The following PHLDB2 variants were observed in gnomAD, a reference collection of about 807,000 sequenced individuals.
The protein encoded by PHLDB2 is pleckstrin homology-like domain family B member 2.
In PHLDB2, 71 loss-of-function variants were observed where a neutral mutation model predicts 123.6. The ratio of observed to expected loss-of-function variants is 0.57; its 90% CI spans 0.47 to 0.70. The LOEUF (loss-of-function observed/expected upper bound fraction) is 0.70. Ranked by LOEUF, PHLDB2 falls within the 30% of genes least tolerant of loss-of-function variation. The pLI is 0.00. For synonymous variants in PHLDB2, 547 were observed against 541.6 expected (o/e 1.01, Z -0.14); for missense variants, 1,446 against 1,519.5 (o/e 0.95, Z 0.80).
chr3:111,760,614 T>A (rs2059976308), intron 1 of PHLDB2, among the ~76,000 whole-genome samples: 1 of 152,176 alleles, frequency 6.6e-6, no homozygotes, highest in Admixed American at 6.5e-5. Context: ...TTACTCTGGC[T>A]TCTGGGGAGT....
In PHLDB2 at chr3:111,974,961, C is replaced by T. The variant is rs1284236878; in HGVS notation, c.*398C>T. The T allele has an allele frequency of 6.5e-6, 1 of 153,584 alleles. No homozygotes were observed. The highest frequency in any genetic ancestry group is 1.4e-5 in the Non-Finnish European group (1 of 69,030). The allele number at this position is 153,584 out of a possible 1,614,324, so 9.5% of individuals were successfully genotyped here. A position where few individuals can be genotyped will look rare whatever the true frequency, so the allele number is the denominator to read the frequency against. On this transcript the variant is annotated 3_prime_UTR_variant, in exon 18 of 18. Transcript: ENST00000431670. Reference sequence around the variant, plus strand: ...CACTGGCATTGACATTATTGGTAATCAACTGGCTTTTTTTAAAAAAGGTAG... The same window carrying T: ...CACTGGCATTGACATTATTGGTAATTAACTGGCTTTTTTTAAAAAAGGTAG...
chr3:111,802,905 A>AGGGAGCAT (rs2061430808), intron 1 of PHLDB2, among the ~76,000 whole-genome samples: 1 of 152,204 alleles, frequency 6.6e-6, no homozygotes, highest in Non-Finnish European at 1.5e-5. Context: ...CAAATGATAG[A>AGGGAGCAT]TAATTAATCA....
intron 5 of PHLDB2, among the ~76,000 whole-genome samples, chr3:111,926,607 G>A (rs1422183749): frequency 6.8e-6 from 1 of 146,994 alleles, no homozygotes; most frequent in Non-Finnish European, 1.5e-5. Flanking sequence ...TTTTTTCTAT[G>A]CTAAACATTC....
chr3:111,863,146 C>T (rs1392347800), intron 1 of PHLDB2, among the ~76,000 whole-genome samples: 1 of 152,092 alleles, frequency 6.6e-6, no homozygotes, highest in Non-Finnish European at 1.5e-5. Flanking sequence ...TGCCCCAGTC[C>T]CAGAAAGGGG....
In PHLDB2 at chr3:111,814,350, C is replaced by G. The variant is rs1179630191; in HGVS notation, c.-48-31471C>G. Reference sequence around the variant, plus strand: ...TCCCAGCCTACATCTTTCTCCCATGCTGGTTGCTTGCTGCTCTTGAACATC... The same window carrying G: ...TCCCAGCCTACATCTTTCTCCCATGGTGGTTGCTTGCTGCTCTTGAACATC... On this transcript the variant is annotated intron_variant, in intron 1 of 17. Coordinates refer to the PHLDB2 transcript ENST00000393923. Among the ~76,000 whole-genome samples, 3 of 152,108 alleles carry G rather than the reference C, an allele frequency of 2.0e-5. No individual in the cohort carries two copies. The East Asian group carries it at 5.8e-4, about 29-fold the overall frequency.
rs532651560 is a variant in PHLDB2, at chr3:111,949,202, A to G, written c.2631+127A>G. On this transcript the variant is annotated intron_variant, in intron 10 of 17. Transcript: ENST00000431670. ...TGTATATCTGTTTGGCCAGAGGGGT[A>G]GGGTAAGGCTGAGTTTATAAAGTAT... 484 of 1,076,508 alleles carry G rather than the reference A, an allele frequency of 4.5e-4. 1 individual carries two copies. In the African/African-American group the frequency reaches 6.0e-3, roughly 13 times the overall value. The allele number at this position is 1,076,508 out of a possible 1,614,324, so 66.7% of individuals were successfully genotyped here.
At chr3:111,954,546 CA>C (rs1329019039) in intron 12 of PHLDB2, among the ~76,000 whole-genome samples, 1 of 152,132 alleles carries the variant, frequency 6.6e-6, no homozygotes, top group African/African-American at 2.4e-5. Context: ...TGACTCTCAG[CA>C]TTTTTTTTTG....
At chr3:111,956,473 T>C (rs1458974091) in intron 12 of PHLDB2, among the ~76,000 whole-genome samples, 6 of 152,222 alleles carry the variant, frequency 3.9e-5, no homozygotes, top group African/African-American at 1.4e-4. Context: ...AAATCTGTCT[T>C]TGATTTATCT....
chr3:111,961,777 A>G (rs1040414210), intron 12 of PHLDB2, among the ~76,000 whole-genome samples: 1 of 152,052 alleles, frequency 6.6e-6, no homozygotes, highest in Non-Finnish European at 1.5e-5. Flanking sequence ...GAACACAGCT[A>G]TTTCTAGAGG....
At chr3:111,914,911 T>C (rs1445120695) in intron 3 of PHLDB2, 1 of 151,774 alleles carries the variant, frequency 6.6e-6, no homozygotes, top group Admixed American at 6.6e-5. Context: ...CCCAAAATCT[T>C]TTGTTATTAC....
rs568769587 is a variant in PHLDB2, at chr3:111,749,300, G to A, written c.-49+16597G>A. 9.9e-5 allele frequency among the ~76,000 whole-genome samples: 15 copies of A among 152,048 alleles called. No individual in the cohort carries two copies. The South Asian group carries it at 2.5e-3, about 25-fold the overall frequency. Reference sequence around the variant, plus strand: ...TGCTTAACTCAAGAGTTAAATAGATGTCTCTGGTAAATTGGTACCAAAAAA... The same window carrying A: ...TGCTTAACTCAAGAGTTAAATAGATATCTCTGGTAAATTGGTACCAAAAAA... On this transcript the variant is annotated intron_variant, in intron 1 of 17. Coordinates refer to the PHLDB2 transcript ENST00000393923.
chr3:111,736,935 AC>A (rs2059517663), intron 1 of PHLDB2, among the ~76,000 whole-genome samples: 1 of 152,196 alleles, frequency 6.6e-6, no homozygotes, highest in African/African-American at 2.4e-5. Context: ...TGCCTAGAGA[AC>A]GGTATACATG....
chr3:111,743,504 C>A (rs1170749793), intron 1 of PHLDB2, among the ~76,000 whole-genome samples: 1 of 152,142 alleles, frequency 6.6e-6, no homozygotes, highest in African/African-American at 2.4e-5. Context: ...CAACTTTAAA[C>A]AGGAATAGTG....
rs193154181 is a variant in PHLDB2, at chr3:111,867,075, C to T, written c.-15+7499C>T. 4.2e-3 allele frequency among the ~76,000 whole-genome samples: 632 copies of T among 152,086 alleles called. 4 individuals are homozygous for T. Among genetic ancestry groups the T allele is most frequent in the African/African-American group, 0.014 (591 of 41,476 alleles). On this transcript the variant is annotated intron_variant, in intron 1 of 17. Transcript: ENST00000431670. ...ACGCAGTGGTGACACTTAGCTACCCCACATAACGTTATCTTGCAAATATCT... is the reference window on the plus strand; with the variant it reads ...ACGCAGTGGTGACACTTAGCTACCCTACATAACGTTATCTTGCAAATATCT...
chr3:111,773,532 G>A (rs1408005914), intron 1 of PHLDB2, among the ~76,000 whole-genome samples: 1 of 152,114 alleles, frequency 6.6e-6, no homozygotes, highest in Non-Finnish European at 1.5e-5. Context: ...ACGATCTTAT[G>A]CTCTCTCAAG....
At chr3:111,885,764 T>G (rs1008785420) in intron 2 of PHLDB2, 2 of 595,552 alleles carry the variant, frequency 3.4e-6, no homozygotes, top group African/African-American at 1.9e-5. Flanking sequence ...ACTTGTATTA[T>G]TTATATCATT....
chr3:111,845,621 C>T (rs6789392), intron 1 of PHLDB2, among the ~76,000 whole-genome samples: 5,290 of 151,976 alleles, frequency 0.035, 133 homozygotes, highest in Admixed American at 0.078. Context: ...CTGGTGGTGG[C>T]GAAGTTCTGT....
intron 6 of PHLDB2, among the ~76,000 whole-genome samples, chr3:111,937,334 T>A (rs1293313115): frequency 6.6e-6 from 1 of 152,198 alleles, no homozygotes; most frequent in Non-Finnish European, 1.5e-5. Flanking sequence ...TAACTTAGCA[T>A]ATAATTATTT....
chr3:111,850,230 G>A (rs2064192111), intron 2 of PHLDB2, among the ~76,000 whole-genome samples: 1 of 152,156 alleles, frequency 6.6e-6, no homozygotes, highest in Non-Finnish European at 1.5e-5. Context: ...TCACTTATAA[G>A]TGGGAGTTAA....
Sources: gnomAD v4.1 joint callset for allele counts (sites outside exome capture counted in the v4.1 genomes callset) on GRCh38, gnomAD v4.1.1 for gene constraint, MANE v1.5 for transcripts, NCBI Gene and HGNC (gene_info 2026-07-23, HGNC 2026-07-21) for gene names.